The following GALNT14 variants were observed in gnomAD, a reference collection of about 807,000 sequenced individuals.
The protein encoded by GALNT14 is UDP-GalNAc:polypeptide N-acetylgalactosaminyltransferase 14.
GALNT14 carries 60 observed loss-of-function variants against 77.5 expected under a neutral mutation model. The observed-to-expected ratio is 0.77, with a 90% CI of 0.63 to 0.96. The LOEUF is 0.96. Among genes scored for constraint, GALNT14 ranks in the 40% least tolerant of loss-of-function variants. GALNT14 has a pLI of 0.00. For missense variants in GALNT14, 710 were observed against 731.0 expected, an observed-to-expected ratio of 0.97 and a Z score of 0.33; for synonymous variants, 280 against 281.7, an observed-to-expected ratio of 0.99 and a Z score of 0.06.
At chr2:30,949,024 T>C (rs766427727) in intron 6 of GALNT14, among the ~76,000 whole-genome samples, 3 of 152,120 alleles carry the variant, frequency 2.0e-5, no homozygotes, top group Non-Finnish European at 4.4e-5. Flanking sequence ...CATAGCTCAC[T>C]TGTGGTATCT....
intron 1 of GALNT14, among the ~76,000 whole-genome samples, chr2:31,069,195 G>T (rs1026898873): frequency 6.6e-6 from 1 of 152,112 alleles, no homozygotes. Context: ...TAAAAAGATG[G>T]GATCGCCACC....
At chr2:31,036,225 C>A (rs752428571) in intron 1 of GALNT14, among the ~76,000 whole-genome samples, 2 of 152,092 alleles carry the variant, frequency 1.3e-5, no homozygotes, top group African/African-American at 4.8e-5. Context: ...TCCATTACTG[C>A]CTTCTTTTAT....
chr2:31,030,720 C>A (rs531178594), intron 1 of GALNT14, among the ~76,000 whole-genome samples: 83 of 152,294 alleles, frequency 5.4e-4, no homozygotes, highest in African/African-American at 1.9e-3. Context: ...AGGCTTCTCC[C>A]TGGTGGATTC....
At position 31,019,061 on chromosome 2, in the gene GALNT14, C is replaced by T. The variant is rs368920793; in HGVS notation, c.130-26054G>A. On this transcript the variant is annotated intron_variant, in intron 1 of 14. Coordinates refer to ENST00000349752, the MANE Select transcript of GALNT14 (RefSeq NM_024572.4). Reference sequence around the variant, plus strand: ...GCACCATCTCACATCATCCTGAGAACAACTCCATGAGGCAGGAGAGATTAA... The same window carrying T: ...GCACCATCTCACATCATCCTGAGAATAACTCCATGAGGCAGGAGAGATTAA... Among the ~76,000 whole-genome samples the T allele has an allele frequency of 3.3e-5, 5 of 152,274 alleles. No homozygotes were observed. The East Asian group carries it at 9.7e-4, about 30-fold the overall frequency.
intron 1 of GALNT14, among the ~76,000 whole-genome samples, chr2:31,013,426 G>A (rs1008372859): frequency 1.3e-5 from 2 of 152,166 alleles, no homozygotes; most frequent in Non-Finnish European, 1.5e-5. Flanking sequence ...CAAGCACCCA[G>A]GCAGAACCAA....
At chr2:31,123,058 T>G (rs1321149935) in intron 1 of GALNT14, among the ~76,000 whole-genome samples, 1 of 151,786 alleles carries the variant, frequency 6.6e-6, no homozygotes, top group East Asian at 1.9e-4. Context: ...GACGGGCACC[T>G]GTAGTCCCAG....
chr2:30,961,300 G>A (rs1667676252), intron 3 of GALNT14, among the ~76,000 whole-genome samples: 1 of 152,198 alleles, frequency 6.6e-6, no homozygotes, highest in African/African-American at 2.4e-5. Context: ...ATGCAGGCAG[G>A]TTTTATCAAA....
intron 2 of GALNT14, among the ~76,000 whole-genome samples, chr2:30,971,217 A>G (rs1318939697): frequency 6.6e-6 from 1 of 152,206 alleles, no homozygotes; most frequent in Non-Finnish European, 1.5e-5. Flanking sequence ...TCAATCAAAC[A>G]GTGAGATCTA....
At chr2:31,083,960 G>A (rs1346953865) in intron 1 of GALNT14, among the ~76,000 whole-genome samples, 2 of 152,132 alleles carry the variant, frequency 1.3e-5, no homozygotes, top group East Asian at 1.9e-4. Context: ...GGGATCTCGC[G>A]GTTTTCTCAG....
intron 2 of GALNT14, among the ~76,000 whole-genome samples, chr2:30,979,470 G>T (rs1415055694): frequency 3.3e-5 from 5 of 152,134 alleles, no homozygotes. Flanking sequence ...TCAAGGAGGA[G>T]AGACAGGGAG....
chr2:30,980,340 G>A (rs1386383982), intron 2 of GALNT14, among the ~76,000 whole-genome samples: 1 of 152,228 alleles, frequency 6.6e-6, no homozygotes, highest in Non-Finnish European at 1.5e-5. Context: ...GATGAAACCA[G>A]AACTGTTGCT....
chr2:30,895,049 A>G, the GALNT14 span, among the ~76,000 whole-genome samples: 1 of 152,234 alleles, frequency 6.6e-6, no homozygotes, highest in Non-Finnish European at 1.5e-5. Context: ...GTTAGAATGC[A>G]CTATAGCCTC....
At chr2:30,934,551 T>C (rs1267874426) in intron 9 of GALNT14, among the ~76,000 whole-genome samples, 1 of 152,170 alleles carries the variant, frequency 6.6e-6, no homozygotes, top group Non-Finnish European at 1.5e-5. Context: ...CTCTACCCCA[T>C]GCCCCACCAC....
chr2:31,033,451 T>C (rs775714747), intron 1 of GALNT14, among the ~76,000 whole-genome samples: 3 of 152,222 alleles, frequency 2.0e-5, no homozygotes, highest in Non-Finnish European at 2.9e-5. Context: ...GAGTCTACCC[T>C]GTTGGCTACC....
intron 6 of GALNT14, among the ~76,000 whole-genome samples, chr2:30,954,077 G>A (rs935530250): frequency 1.3e-5 from 2 of 152,174 alleles, no homozygotes; most frequent in African/African-American, 2.4e-5. Flanking sequence ...ACGCAGTCAG[G>A]AAAGGCTGCC....
intron 1 of GALNT14, among the ~76,000 whole-genome samples, chr2:31,124,210 T>A (rs1007252047): frequency 2.0e-5 from 3 of 152,218 alleles, no homozygotes; most frequent in Non-Finnish European, 2.9e-5. Context: ...AGTTCACCCA[T>A]CTTTCCTGCT....
intron 1 of GALNT14, among the ~76,000 whole-genome samples, chr2:31,027,034 T>C (rs1672100097): frequency 6.6e-6 from 1 of 152,248 alleles, no homozygotes; most frequent in Non-Finnish European, 1.5e-5. Context: ...TAAAATTCAC[T>C]GATGCATCAT....
At chr2:30,901,663 G>A in the GALNT14 span, among the ~76,000 whole-genome samples, 27 of 151,522 alleles carry the variant, frequency 1.8e-4, no homozygotes, top group African/African-American at 6.6e-4. Context: ...GCTCATATAT[G>A]TGTATGTATA....
At chr2:31,132,841 G>A in intron 1 of GALNT14, 1 of 402,756 alleles carries the variant, frequency 2.5e-6, no homozygotes, top group Non-Finnish European at 5.1e-6. Flanking sequence ...CATGCAGCTG[G>A]AGGCCACAAA....
Sources: gnomAD v4.1 joint callset for allele counts (sites outside exome capture counted in the v4.1 genomes callset) on GRCh38, gnomAD v4.1.1 for gene constraint, MANE v1.5 for transcripts, NCBI Gene and HGNC (gene_info 2026-07-23, HGNC 2026-07-21) for gene names.